Variants in NEMF observed in about 807,000 individuals in gnomAD.
NEMF encodes the protein nuclear export mediator factor, also known as ribosome quality control complex subunit NEMF.
NEMF carries 89 observed loss-of-function variants against 162.2 expected under a neutral mutation model. The ratio of observed to expected loss-of-function variants is 0.55; its 90% CI spans 0.46 to 0.65. The LOEUF (loss-of-function observed/expected upper bound fraction) is 0.65, where lower values mean the gene tolerates loss of function less well. Among genes scored for constraint, NEMF ranks in the 30% least tolerant of loss-of-function variants. NEMF has a pLI of 0.00. For synonymous variants in NEMF, 421 were observed against 404.5 expected (o/e 1.04, Z -0.49); for missense variants, 1,133 against 1,261.9 (o/e 0.90, Z 1.55).
chr14:49,795,788 T>C lies in NEMF; in HGVS notation c.2619+3A>G. The C allele has an allele frequency of 6.2e-7, 1 of 1,606,118 alleles. No homozygotes were observed. The highest frequency in any genetic ancestry group is 8.5e-7 in the Non-Finnish European group (1 of 1,178,296). ...GAACCATATAGATCATCCTGAAGTTTACCTTTTGTCCTCGTTTCATTGGCT... is the reference window on the plus strand; with the variant it reads ...GAACCATATAGATCATCCTGAAGTTCACCTTTTGTCCTCGTTTCATTGGCT... On this transcript the variant is annotated splice_donor_region_variant and intron_variant, in intron 26 of 32. Coordinates refer to ENST00000298310, the MANE Select transcript of NEMF (RefSeq NM_004713.6).
chr14:49,845,642 T>G (rs1232020745), intron 4 of NEMF, among the ~76,000 whole-genome samples: 1 of 152,230 alleles, frequency 6.6e-6, no homozygotes, highest in Non-Finnish European at 1.5e-5. Context: ...TGTTTTTACT[T>G]TTAATGTTTT....
At chr14:49,807,764 TTA>T (rs1408638947) in intron 18 of NEMF, among the ~76,000 whole-genome samples, 1 of 151,540 alleles carries the variant, frequency 6.6e-6, no homozygotes, top group Non-Finnish European at 1.5e-5. Context: ...CGGCTAATTT[TTA>T]TATATATATA....
At position 49,782,644 on chromosome 14, in the gene NEMF, A is replaced by G; in HGVS notation, c.*1992T>C. On this transcript the variant is annotated 3_prime_UTR_variant, in exon 33 of 33. Coordinates refer to ENST00000298310, the MANE Select transcript of NEMF (RefSeq NM_004713.6). ...TAGATTATTTAAAATTGTGTTTCCT[A>G]AGACTTAGCACTCTCGAAAAACTAG... The G allele has an allele frequency of 6.7e-7, 1 of 1,489,842 alleles. No individual in the cohort carries two copies. The highest frequency in any genetic ancestry group is 9.2e-7 in the Non-Finnish European group (1 of 1,086,832). 92.3% of individuals were successfully genotyped at this position (1,489,842 alleles called of 1,614,324 possible). A position where few individuals can be genotyped will look rare whatever the true frequency, so the allele number is the denominator to read the frequency against.
At chr14:49,792,266 G>C (rs1334281563) in intron 26 of NEMF, among the ~76,000 whole-genome samples, 1 of 152,110 alleles carries the variant, frequency 6.6e-6, no homozygotes, top group Non-Finnish European at 1.5e-5. Flanking sequence ...ACCCAGGCTG[G>C]AGTGCAGTGC....
At chr14:49,818,813 C>T (rs1480841121) in intron 16 of NEMF, among the ~76,000 whole-genome samples, 1 of 151,978 alleles carries the variant, frequency 6.6e-6, no homozygotes, top group Admixed American at 6.6e-5. Flanking sequence ...CTTCACCTTA[C>T]AAGCAGGAGA....
At chr14:49,832,514 TAG>T (rs367999486) in intron 8 of NEMF, among the ~76,000 whole-genome samples, 284 of 152,068 alleles carry the variant, frequency 1.9e-3, no homozygotes, top group African/African-American at 6.6e-3. Flanking sequence ...GTATTTTTAG[TAG>T]AGACAGGGGT....
chr14:49,852,571 T>C (rs1277917073), intron 1 of NEMF, 124 bp downstream of exon 1: 5 of 1,059,030 alleles, frequency 4.7e-6, no homozygotes, highest in Non-Finnish European at 7.1e-6. Context: ...CACTCAGGCC[T>C]AGGCAGGTCC....
At chr14:49,788,469 C>G (rs1254389972) in intron 28 of NEMF, among the ~76,000 whole-genome samples, 1 of 151,732 alleles carries the variant, frequency 6.6e-6, no homozygotes, top group Non-Finnish European at 1.5e-5. Flanking sequence ...TATGTACGAC[C>G]ATATGGCATA....
intron 16 of NEMF, among the ~76,000 whole-genome samples, chr14:49,821,345 C>T (rs1272522790): frequency 1.3e-4 from 1 of 7,802 alleles, no homozygotes; most frequent in African/African-American, 1.4e-4. Flanking sequence ...CCAGCCGCCC[C>T]GTCCGGGAGG....
chr14:49,798,665 T>A (rs1404505983), intron 25 of NEMF, among the ~76,000 whole-genome samples: 1 of 152,070 alleles, frequency 6.6e-6, no homozygotes, highest in African/African-American at 2.4e-5. Flanking sequence ...TCCCAGCACT[T>A]TCGGAGGCCA....
In NEMF at chr14:49,829,306, G is replaced by C. The variant is rs774719571; in HGVS notation, c.1023+43C>G. 2.6e-5 allele frequency: 42 copies of C among 1,612,904 alleles called. No individual in the cohort carries two copies. In the South Asian group the frequency reaches 4.6e-4, roughly 18 times the overall value. On this transcript the variant is annotated intron_variant, in intron 12 of 32. Coordinates refer to ENST00000298310, the MANE Select transcript of NEMF (RefSeq NM_004713.6). ...CACATTTACTACATTGCCAGTTAAA[G>C]TTAACATTTTTGAAAAAGCACTGAG...
intron 26 of NEMF, among the ~76,000 whole-genome samples, chr14:49,793,580 C>G (rs1181029067): frequency 2.0e-5 from 3 of 152,202 alleles, no homozygotes; most frequent in Non-Finnish European, 4.4e-5. Context: ...AACATTCTAT[C>G]AGGATTTGCC....
Position 49,803,305 on chromosome 14 carries a change from C to T in NEMF, c.1858-11G>A. On this transcript the variant is annotated splice_polypyrimidine_tract_variant and intron_variant, in intron 19 of 32. Transcript: ENST00000298310. ...TGCTGTTTTAGATACCTGAAGAACACAATAATACATTATATTCTTATTTAA... is the reference window on the plus strand; with the variant it reads ...TGCTGTTTTAGATACCTGAAGAACATAATAATACATTATATTCTTATTTAA... The T allele has an allele frequency of 6.4e-7, 1 of 1,566,226 alleles. No homozygotes were observed. Among genetic ancestry groups the T allele is most frequent in the Non-Finnish European group, 8.8e-7 (1 of 1,139,468 alleles).
intron 3 of NEMF, among the ~76,000 whole-genome samples, chr14:49,850,020 CAG>C (rs552001687): frequency 5.9e-4 from 90 of 152,222 alleles, no homozygotes; most frequent in African/African-American, 1.9e-3. Context: ...AATGCCATAA[CAG>C]ATACATTGCC....
chr14:49,795,382 G>T (rs1890647407), intron 26 of NEMF, among the ~76,000 whole-genome samples: 1 of 151,634 alleles, frequency 6.6e-6, no homozygotes. Context: ...GTGGGGGCAG[G>T]GGCAGTGTGG....
intron 16 of NEMF, among the ~76,000 whole-genome samples, chr14:49,819,633 C>T (rs1211208552): frequency 2.0e-5 from 3 of 152,062 alleles, no homozygotes; most frequent in Non-Finnish European, 2.9e-5. Context: ...AGGCTGGTCT[C>T]GAACTCCTCA....
At chr14:49,852,169 G>A (rs890082777) in intron 1 of NEMF, among the ~76,000 whole-genome samples, 1 of 9,726 alleles carries the variant, frequency 1.0e-4, no homozygotes, top group Non-Finnish European at 2.1e-3. Context: ...TTTATTACAA[G>A]GGAGAAAAAA....
intron 11 of NEMF, among the ~76,000 whole-genome samples, chr14:49,830,629 C>T (rs1330928822): frequency 6.6e-6 from 1 of 152,268 alleles, no homozygotes; most frequent in Non-Finnish European, 1.5e-5. Context: ...AAGTGATCTG[C>T]CCGCCTCGGC....
At chr14:49,800,901 C>A (rs1401930139) in intron 22 of NEMF, 1 of 500,722 alleles carries the variant, frequency 2.0e-6, no homozygotes, top group Non-Finnish European at 3.5e-6. Flanking sequence ...TCTCCAAGAT[C>A]CTTTACCACA....
Sources: allele counts gnomAD v4.1 joint callset (sites outside exome capture counted in the v4.1 genomes callset), GRCh38; gene constraint gnomAD v4.1.1; transcripts MANE v1.5; gene names NCBI Gene and HGNC (gene_info 2026-07-23, HGNC 2026-07-21).